Variants in NOSTRIN observed in about 807,000 individuals in gnomAD.
The protein encoded by NOSTRIN is nitric oxide synthase trafficking, also known as BM247 homolog.
NOSTRIN carries 63 observed loss-of-function variants against 59.0 expected under a neutral mutation model. The observed-to-expected ratio is 1.07, with a 90% CI of 0.87 to 1.32. NOSTRIN has a LOEUF of 1.32. NOSTRIN is among the 40% of genes most tolerant of loss of function. NOSTRIN has a pLI of 0.00. For missense variants in NOSTRIN, 512 were observed against 473.1 expected (o/e 1.08, Z -0.76); for synonymous variants, 200 against 165.4 (o/e 1.21, Z -1.61).
intron 8 of NOSTRIN, among the ~76,000 whole-genome samples, chr2:168,844,448 A>G (rs1688282989): frequency 6.6e-6 from 1 of 152,166 alleles, no homozygotes; most frequent in South Asian, 2.1e-4. Context: ...TCTGATGGCC[A>G]GCCTGGAACA....
chr2:168,859,331 A>G (rs879500771), intron 12 of NOSTRIN, 181 bp from the exon 13 acceptor site: 124 of 873,114 alleles, frequency 1.4e-4, no homozygotes, highest in Non-Finnish European at 1.9e-4. Context: ...ACCTCCCTCT[A>G]AACTGCTTAA....
In NOSTRIN at chr2:168,856,732, TCTC is replaced by T. The variant is rs747076897; in HGVS notation, c.1008_1010del (p.Ser337del). ...AAAACGTACTCCAGCACCTCCTCCT[TCTC>T]TGATGCAAAGAGCCAGAAAGACACA... On this transcript the variant is annotated inframe_deletion, in exon 12 of 16. Transcript: ENST00000317647. 1.2e-6 allele frequency: 2 copies of T among 1,614,120 alleles called. No individual in the cohort carries two copies. The highest frequency in any genetic ancestry group is 1.7e-6 in the Non-Finnish European group (2 of 1,180,006).
upstream of NOSTRIN, among the ~76,000 whole-genome samples, chr2:168,797,079 C>CTTTTCTTTTTTTTTTTTTTTTTT (rs1553519713): frequency 1.3e-5 from 1 of 75,054 alleles, no homozygotes; most frequent in Non-Finnish European, 2.5e-5. Context: ...TTTCTTTTTT[C>CTTTTCTTTTTTTTTTTTTTTTTT]TTTTTTTTTT....
upstream of NOSTRIN, chr2:168,802,614 A>T: frequency 1.2e-6 from 1 of 865,974 alleles, no homozygotes; most frequent in South Asian, 1.3e-5. Flanking sequence ...GCTGGAGCGT[A>T]GGTGAAAGGA....
chr2:168,801,589 T>C (rs1191734243), upstream of NOSTRIN, among the ~76,000 whole-genome samples: 1 of 152,124 alleles, frequency 6.6e-6, no homozygotes, highest in African/African-American at 2.4e-5. Context: ...AGTCAGCCAG[T>C]CAGGTGAAAA....
At chr2:168,857,360 G>A (rs1046729565) in intron 12 of NOSTRIN, among the ~76,000 whole-genome samples, 9 of 152,184 alleles carry the variant, frequency 5.9e-5, no homozygotes, top group African/African-American at 2.2e-4. Context: ...AAGGAAAGAC[G>A]TGGTTGCAGA....
intron 7 of NOSTRIN, among the ~76,000 whole-genome samples, chr2:168,834,784 A>T (rs1687622790): frequency 6.6e-6 from 1 of 152,054 alleles, no homozygotes; most frequent in Non-Finnish European, 1.5e-5. Context: ...TTAATATCTT[A>T]AAAAAACCTC....
chr2:168,793,187 G>A (rs939772160), upstream of NOSTRIN, among the ~76,000 whole-genome samples: 1 of 152,164 alleles, frequency 6.6e-6, no homozygotes, highest in Non-Finnish European at 1.5e-5. Flanking sequence ...ACTGCCACCT[G>A]GGTTAGTTAA....
intron 5 of NOSTRIN, 38 bp downstream of exon 5, chr2:168,828,539 C>A: frequency 1.3e-6 from 1 of 790,730 alleles, no homozygotes; most frequent in Non-Finnish European, 2.1e-6. Flanking sequence ...CTGTTTAAAG[C>A]AAGATTCCTG....
chr2:168,856,594 G>T (rs1689136321), intron 11 of NOSTRIN, 96 bp from the exon 12 acceptor site: 1 of 1,055,246 alleles, frequency 9.5e-7, no homozygotes, highest in Non-Finnish European at 1.4e-6. Context: ...AATCTCACTG[G>T]TATCACTTCT....
rs1689801457 is a variant in NOSTRIN at position 168,865,321 on chromosome 2, G to A, written c.*351G>A. The A allele has an allele frequency of 5.2e-6, 1 of 191,154 alleles. No individual in the cohort carries two copies. The allele number at this position is 191,154 out of a possible 1,614,324, so 11.8% of individuals were successfully genotyped here. On this transcript the variant is annotated 3_prime_UTR_variant, in exon 16 of 16. Transcript: ENST00000317647. ...GAGTTATCTGGTAGACAACAGCAGT[G>A]GGACTTAGATGTCTTTTTCCTCTGG...
At chr2:168,851,488 A>G (rs1162939794) in intron 10 of NOSTRIN, 84 bp downstream of exon 10, 1 of 1,509,492 alleles carries the variant, frequency 6.6e-7, no homozygotes, top group African/African-American at 1.4e-5. Flanking sequence ...TTGAAAGCAA[A>G]TATCATGTTT....
chr2:168,846,633 T>C (rs1373195589), intron 8 of NOSTRIN, among the ~76,000 whole-genome samples: 1 of 152,246 alleles, frequency 6.6e-6, no homozygotes, highest in Non-Finnish European at 1.5e-5. Flanking sequence ...AAATAACCTA[T>C]ATTTTTCACA....
intron 8 of NOSTRIN, among the ~76,000 whole-genome samples, chr2:168,845,167 A>G (rs1480028184): frequency 6.6e-6 from 1 of 152,226 alleles, no homozygotes; most frequent in Non-Finnish European, 1.5e-5. Flanking sequence ...TTTTAGATGA[A>G]GGTGATGAGA....
intron 8 of NOSTRIN, among the ~76,000 whole-genome samples, chr2:168,848,313 T>A (rs945331330): frequency 2.0e-5 from 3 of 152,220 alleles, no homozygotes; most frequent in Non-Finnish European, 4.4e-5. Context: ...GCCTGCAATT[T>A]TGTGAAAGCC....
At chr2:168,802,597 C>T (rs149218312), upstream of NOSTRIN, 977 of 859,402 alleles carry the variant, frequency 1.1e-3, 1 homozygote, top group African/African-American at 0.011. Flanking sequence ...ATTACAGTGT[C>T]CAGAATGCTG....
intron 2 of NOSTRIN, among the ~76,000 whole-genome samples, chr2:168,814,915 T>A (rs1021503124): frequency 1.2e-4 from 19 of 152,290 alleles, no homozygotes; most frequent in Non-Finnish European, 2.5e-4. Context: ...CATAAACAAA[T>A]TTTTTTAAAT....
chr2:168,838,291 C>T (rs904583487), intron 7 of NOSTRIN, among the ~76,000 whole-genome samples: 6 of 152,154 alleles, frequency 3.9e-5, no homozygotes, highest in Non-Finnish European at 8.8e-5. Context: ...AAACCAGATC[C>T]TTCAGTGGCA....
At chr2:168,826,456 T>G (rs486153) in intron 3 of NOSTRIN, among the ~76,000 whole-genome samples, 17 of 151,776 alleles carry the variant, frequency 1.1e-4, no homozygotes, top group African/African-American at 4.1e-4. Context: ...TTCCCTCCCT[T>G]CCTCCCTTGC....
Sources: gnomAD v4.1 joint callset for allele counts (sites outside exome capture counted in the v4.1 genomes callset) on GRCh38, gnomAD v4.1.1 for gene constraint, MANE v1.5 for transcripts, NCBI Gene and HGNC (gene_info 2026-07-23, HGNC 2026-07-21) for gene names.